FAM13A: variants seen among roughly 807,000 people sequenced by gnomAD.
The protein encoded by FAM13A is protein FAM13A.
FAM13A carries 76 observed loss-of-function variants against 129.6 expected under a neutral mutation model. The ratio of observed to expected loss-of-function variants is 0.59; its 90% CI spans 0.49 to 0.71. The LOEUF (loss-of-function observed/expected upper bound fraction) is 0.71. Among genes scored for constraint, FAM13A ranks in the 30% least tolerant of loss-of-function variants. The pLI, the probability that FAM13A is intolerant of heterozygous loss-of-function variation, is 0.00. For missense variants in FAM13A, 1,108 were observed against 1,249.3 expected, an observed-to-expected ratio of 0.89 and a Z score of 1.70; for synonymous variants, 443 against 449.9, an observed-to-expected ratio of 0.98 and a Z score of 0.20.
At chr4:88,903,805 A>G (rs530993141) in intron 6 of FAM13A, among the ~76,000 whole-genome samples, 4 of 152,358 alleles carry the variant, frequency 2.6e-5, no homozygotes, top group African/African-American at 9.6e-5. Context: ...GAGCTTTTGC[A>G]CAGCAAAAGA....
intron 22 of FAM13A, 45 bp downstream of exon 22, chr4:88,731,957 C>G (rs1172535071): frequency 6.9e-7 from 1 of 1,448,650 alleles, no homozygotes; most frequent in African/African-American, 1.4e-5. Flanking sequence ...TTTAAGTGAG[C>G]TATTTTTACC....
chr4:89,049,488 A>T (rs1232417732), intron 1 of FAM13A, among the ~76,000 whole-genome samples: 1 of 152,238 alleles, frequency 6.6e-6, no homozygotes, highest in Non-Finnish European at 1.5e-5. Context: ...TTTCCTAAAC[A>T]TTAAAGAAAT....
intron 6 of FAM13A, among the ~76,000 whole-genome samples, chr4:88,886,284 C>G (rs1045056133): frequency 3.3e-5 from 5 of 152,138 alleles, no homozygotes. Flanking sequence ...TATCAATCAA[C>G]GAGTGGATAA....
At chr4:88,816,045 C>A (rs1174548806) in intron 7 of FAM13A, among the ~76,000 whole-genome samples, 6 of 149,076 alleles carry the variant, frequency 4.0e-5, no homozygotes, top group African/African-American at 1.2e-4. Context: ...CTTAAAAAAA[C>A]CAAAGTAGAA....
intron 21 of FAM13A, among the ~76,000 whole-genome samples, chr4:88,733,749 T>C (rs1001011071): frequency 1.3e-5 from 2 of 152,212 alleles, no homozygotes; most frequent in Admixed American, 6.5e-5. Context: ...AGTCTAGTAA[T>C]TCAGTTTGAA....
chr4:89,042,134 A>T (rs906244561), intron 1 of FAM13A, among the ~76,000 whole-genome samples: 1 of 152,112 alleles, frequency 6.6e-6, no homozygotes, highest in Non-Finnish European at 1.5e-5. Context: ...GGACCATCAG[A>T]AAAACTCCTT....
chr4:88,937,841 G>A, intron 5 of FAM13A: 1 of 545,802 alleles, frequency 1.8e-6, no homozygotes, highest in Non-Finnish European at 3.3e-6. Flanking sequence ...CTGGGCTCAT[G>A]CAAGTGTTTT....
intron 3 of FAM13A, among the ~76,000 whole-genome samples, chr4:89,013,599 A>C (rs1766039015): frequency 6.6e-6 from 1 of 152,128 alleles, no homozygotes; most frequent in South Asian, 2.1e-4. Flanking sequence ...TTGCCCAGTG[A>C]TGTCATAGCC....
chr4:88,997,682 T>A (rs1763738419), intron 3 of FAM13A, among the ~76,000 whole-genome samples: 1 of 152,194 alleles, frequency 6.6e-6, no homozygotes, highest in Non-Finnish European at 1.5e-5. Context: ...GACTTTTCAA[T>A]GACCATGAAG....
chr4:89,019,898 C>T (rs1481326926), intron 3 of FAM13A, among the ~76,000 whole-genome samples: 1 of 151,896 alleles, frequency 6.6e-6, no homozygotes, highest in Non-Finnish European at 1.5e-5. Flanking sequence ...GCAAGTACAC[C>T]AGTGAGCTTT....
Position 88,739,028 on chromosome 4 carries a change from A to G in FAM13A, c.2562+2T>C. On this transcript the variant is annotated splice_donor_variant, in intron 20 of 23. Transcript: ENST00000264344. LOFTEE classifies it high-confidence loss of function. ...CCAGCCACGGGAAGGTATTCTACTC[A>G]CAATGATGGGTATGGTGTTAGCTCG... 1 of 1,605,100 alleles carries G rather than the reference A, an allele frequency of 6.2e-7. No individual in the cohort carries two copies. Among genetic ancestry groups the G allele is most frequent in the Non-Finnish European group, 8.5e-7 (1 of 1,171,814 alleles).
intron 4 of FAM13A, among the ~76,000 whole-genome samples, chr4:88,962,910 A>G (rs956941966): frequency 5.3e-5 from 8 of 152,204 alleles, no homozygotes; most frequent in Non-Finnish European, 1.0e-4. Flanking sequence ...TGTTCATGAC[A>G]TATTATTTAA....
chr4:88,982,404 T>C (rs1256358656), intron 4 of FAM13A, among the ~76,000 whole-genome samples: 1 of 152,230 alleles, frequency 6.6e-6, no homozygotes, highest in East Asian at 1.9e-4. Context: ...TAAATGCACA[T>C]GGATTCTAAC....
intron 6 of FAM13A, among the ~76,000 whole-genome samples, chr4:88,899,489 ATAAG>A (rs1017671505): frequency 1.3e-4 from 20 of 151,120 alleles, no homozygotes; most frequent in African/African-American, 2.4e-4. Flanking sequence ...TGGAAAGAAA[ATAAG>A]TAAGTAAGTA....
chr4:88,938,783 G>A (rs1754252894), intron 4 of FAM13A, among the ~76,000 whole-genome samples: 1 of 152,088 alleles, frequency 6.6e-6, no homozygotes, highest in African/African-American at 2.4e-5. Context: ...AATAAAAATA[G>A]TTGAAAATAT....
intron 4 of FAM13A, among the ~76,000 whole-genome samples, chr4:88,979,579 T>G (rs1463079778): frequency 6.6e-6 from 1 of 152,096 alleles, no homozygotes; most frequent in Non-Finnish European, 1.5e-5. Flanking sequence ...CTCATAGGGT[T>G]TTGAGGATAA....
At chr4:88,915,600 G>C (rs985771536) in intron 5 of FAM13A, among the ~76,000 whole-genome samples, 2 of 152,152 alleles carry the variant, frequency 1.3e-5, no homozygotes, top group African/African-American at 4.8e-5. Flanking sequence ...ATGGCAACCA[G>C]TCATTTCCAT....
In FAM13A at chr4:88,865,898, T is replaced by C. The variant is rs546354076; in HGVS notation, c.844-14715A>G. On this transcript the variant is annotated intron_variant, in intron 6 of 23. Transcript: ENST00000264344. ...TCTCTCTTTTTTTTTTTTTTTTTTT[T>C]TTTTTTTTTGAGACAGAGTCTCACT... is the stretch of plus-strand genomic sequence containing the variant. Among the ~76,000 whole-genome samples, 7 of 144,318 alleles carry C rather than the reference T, an allele frequency of 4.9e-5. No homozygotes were observed. The South Asian group carries it at 6.7e-4, about 14-fold the overall frequency. 94.7% of individuals were successfully genotyped at this position (144,318 alleles called of 152,430 possible). A position where few individuals can be genotyped will look rare whatever the true frequency, so the allele number is the denominator to read the frequency against.
At chr4:89,041,254 T>C (rs1010152199) in intron 1 of FAM13A, among the ~76,000 whole-genome samples, 4 of 152,170 alleles carry the variant, frequency 2.6e-5, no homozygotes, top group Admixed American at 1.3e-4. Flanking sequence ...TCCCAACACA[T>C]AGAAATGATA....
Sources: allele counts gnomAD v4.1 joint callset (sites outside exome capture counted in the v4.1 genomes callset), GRCh38; gene constraint gnomAD v4.1.1; transcripts MANE v1.5; gene names NCBI Gene and HGNC (gene_info 2026-07-23, HGNC 2026-07-21).